RRAS2: variants seen among roughly 807,000 people sequenced by gnomAD.
The protein encoded by RRAS2 is RAS related 2, also known as ras-related protein R-Ras2.
In RRAS2, 7 loss-of-function variants were observed where a neutral mutation model predicts 27.6. The observed-to-expected ratio is 0.25, with a 90% CI of 0.14 to 0.48. The LOEUF is 0.48. Among genes scored for constraint, RRAS2 ranks in the 20% least tolerant of loss-of-function variants. RRAS2 has a pLI of 0.99. For synonymous variants in RRAS2, 86 were observed against 90.9 expected (o/e 0.95, Z 0.31); for missense variants, 178 against 256.2 (o/e 0.69, Z 2.08).
chr11:14,284,722 T>C (rs537180321), intron 4 of RRAS2, among the ~76,000 whole-genome samples: 2 of 152,336 alleles, frequency 1.3e-5, no homozygotes, highest in South Asian at 4.1e-4. Context: ...GGAATTAATC[T>C]CTTTATCATT....
At chr11:14,296,781 T>A (rs1249216683) in intron 1 of RRAS2, among the ~76,000 whole-genome samples, 14 of 152,174 alleles carry the variant, frequency 9.2e-5, no homozygotes, top group African/African-American at 2.9e-4. Flanking sequence ...ATTCCTCTCT[T>A]CTCTGATCAA....
intron 1 of RRAS2, among the ~76,000 whole-genome samples, chr11:14,303,186 A>G (rs963212): frequency 0.4 from 60,648 of 152,076 alleles, 12,351 homozygotes; most frequent in Admixed American, 0.49. Flanking sequence ...CTTATTAGTA[A>G]TAAGTTGTGA....
chr11:14,332,876 T>C (rs1848509206), intron 1 of RRAS2, among the ~76,000 whole-genome samples: 2 of 152,174 alleles, frequency 1.3e-5, no homozygotes, highest in Admixed American at 1.3e-4. Flanking sequence ...CAGAGTTCCC[T>C]GGAAACAATA....
At chr11:14,350,406 C>G (rs575567048) in intron 1 of RRAS2, among the ~76,000 whole-genome samples, 33 of 152,244 alleles carry the variant, frequency 2.2e-4, no homozygotes, top group South Asian at 2.1e-4. Flanking sequence ...GCGCCTCCCC[C>G]ACTGGCTTGC....
intron 1 of RRAS2, among the ~76,000 whole-genome samples, chr11:14,338,800 G>T (rs1021064783): frequency 6.6e-6 from 1 of 152,070 alleles, no homozygotes; most frequent in African/African-American, 2.4e-5. Flanking sequence ...CAGTGAATAT[G>T]GGACTCAATC....
rs1554943882 is a variant in RRAS2, at chr11:14,279,019, T to G, written c.*318A>C. ...TATTTCACAACCTGTAGCTTCAGCT[T>G]GGCAAACAGCTTAGATTCCAAAACT... On this transcript the variant is annotated 3_prime_UTR_variant, in exon 6 of 6. Coordinates refer to ENST00000256196, the MANE Select transcript of RRAS2 (RefSeq NM_012250.6). The G allele has an allele frequency of 5.0e-6, 1 of 200,772 alleles. No homozygotes were observed. The allele number at this position is 200,772 out of a possible 1,614,324, so 12.4% of individuals were successfully genotyped here.
Position 14,307,483 on chromosome 11 carries a change from G to C in RRAS2, c.109-11628C>G, listed in dbSNP as rs573837438. ...CTCAATGCAACCTCCGTCTCTCCCT[G>C]GTTCAAGTGATTCTCCTGCCTCAGC... is the stretch of plus-strand genomic sequence containing the variant. On this transcript the variant is annotated intron_variant, in intron 1 of 5. Coordinates refer to ENST00000256196, the MANE Select transcript of RRAS2 (RefSeq NM_012250.6). Among the ~76,000 whole-genome samples, 3 of 151,746 alleles carry C rather than the reference G, an allele frequency of 2.0e-5. No homozygotes were observed. In the East Asian group the frequency reaches 5.9e-4, roughly 30 times the overall value.
chr11:14,336,873 A>G (rs1250897219), intron 1 of RRAS2: 1 of 152,226 alleles, frequency 6.6e-6, no homozygotes, highest in Non-Finnish European at 1.5e-5. Context: ...AAACCTACAC[A>G]TTCAAGAAGT....
upstream of RRAS2, among the ~76,000 whole-genome samples, chr11:14,360,899 C>T (rs368541336): frequency 4.9e-5 from 7 of 143,568 alleles, no homozygotes; most frequent in African/African-American, 1.6e-4. Flanking sequence ...CACGCCTGGG[C>T]GACAATGCGG....
upstream of RRAS2, among the ~76,000 whole-genome samples, chr11:14,363,954 C>G (rs1186555054): frequency 6.6e-6 from 1 of 150,642 alleles, no homozygotes; most frequent in Non-Finnish European, 1.5e-5. Flanking sequence ...CCTGTAATCC[C>G]AGCTACTCGG....
chr11:14,351,409 G>C (rs1358898204), intron 1 of RRAS2, among the ~76,000 whole-genome samples: 2 of 152,154 alleles, frequency 1.3e-5, no homozygotes, highest in Non-Finnish European at 2.9e-5. Flanking sequence ...TAATTTCTGA[G>C]TTAGGTTAGT....
intron 1 of RRAS2, among the ~76,000 whole-genome samples, chr11:14,298,835 C>G (rs1847625674): frequency 6.6e-6 from 1 of 152,126 alleles, no homozygotes; most frequent in South Asian, 2.1e-4. Flanking sequence ...TCAGAATATC[C>G]CTAAGAGCAT....
At chr11:14,313,853 C>G (rs1324206738) in intron 1 of RRAS2, among the ~76,000 whole-genome samples, 1 of 152,140 alleles carries the variant, frequency 6.6e-6, no homozygotes, top group Non-Finnish European at 1.5e-5. Context: ...GTTTATACCA[C>G]CAAGTTTGAG....
At chr11:14,364,367 C>G (rs1591498251) in intron 1 of RRAS2, 2 of 1,535,770 alleles carry the variant, frequency 1.3e-6, no homozygotes, top group Non-Finnish European at 1.7e-6. Context: ...GCCAAGCCCC[C>G]AGATCAGAGC....
Position 14,325,640 on chromosome 11 carries a change from G to C in RRAS2, c.109-29785C>G, listed in dbSNP as rs535426151. 1.7e-3 allele frequency among the ~76,000 whole-genome samples: 264 copies of C among 152,230 alleles called. 1 individual carries two copies. The highest frequency in any genetic ancestry group is 2.6e-3 in the Non-Finnish European group (179 of 68,012). ...ATTTTAGAATGGCATTAAGTTTGTA[G>C]ATTAACAATTAGAATTGACACTGTT... On this transcript the variant is annotated intron_variant, in intron 1 of 5. Transcript: ENST00000256196.
intron 1 of RRAS2, among the ~76,000 whole-genome samples, chr11:14,330,427 C>T (rs1231622438): frequency 6.6e-6 from 1 of 152,028 alleles, no homozygotes; most frequent in Non-Finnish European, 1.5e-5. Flanking sequence ...TAGGAAGATC[C>T]CTTCAACCTG....
chr11:14,286,413 A>G (rs1849662107), intron 4 of RRAS2, among the ~76,000 whole-genome samples: 1 of 152,208 alleles, frequency 6.6e-6, no homozygotes, highest in Non-Finnish European at 1.5e-5. Flanking sequence ...AGGGTACCAG[A>G]ACAGCATTTA....
intron 1 of RRAS2, among the ~76,000 whole-genome samples, chr11:14,321,159 A>G (rs1554950231): frequency 4.0e-5 from 6 of 151,828 alleles, no homozygotes; most frequent in Non-Finnish European, 8.8e-5. Context: ...ACCCTAGACA[A>G]CAGACCAAGA....
intron 5 of RRAS2, among the ~76,000 whole-genome samples, chr11:14,281,026 G>A (rs1849519904): frequency 6.6e-6 from 1 of 152,066 alleles, no homozygotes; most frequent in East Asian, 1.9e-4. Flanking sequence ...CTGTTGTGTG[G>A]GACATTATAC....
Sources: gnomAD v4.1 joint callset for allele counts (sites outside exome capture counted in the v4.1 genomes callset) on GRCh38, gnomAD v4.1.1 for gene constraint, MANE v1.5 for transcripts, NCBI Gene and HGNC (gene_info 2026-07-23, HGNC 2026-07-21) for gene names.